SLC24A3: variants seen among roughly 807,000 people sequenced by gnomAD.
The protein encoded by SLC24A3 is sodium/potassium/calcium exchanger 3.
SLC24A3 carries 28 observed loss-of-function variants against 75.8 expected under a neutral mutation model. The observed-to-expected ratio is 0.37, with a 90% CI of 0.27 to 0.51. The LOEUF is 0.51. Among genes scored for constraint, SLC24A3 ranks in the 20% least tolerant of loss-of-function variants. The pLI, the probability that SLC24A3 is intolerant of heterozygous loss-of-function variation, is 0.94. For missense variants in SLC24A3, 663 were observed against 847.8 expected, an observed-to-expected ratio of 0.78 and a Z score of 2.71; for synonymous variants, 372 against 334.1, an observed-to-expected ratio of 1.11 and a Z score of -1.24.
intron 7 of SLC24A3, among the ~76,000 whole-genome samples, chr20:19,663,472 CCTCCGCCTTCT>C (rs2032361867): frequency 7.0e-6 from 1 of 143,712 alleles, no homozygotes; most frequent in African/African-American, 2.7e-5. Flanking sequence ...TCCTCCTCCT[CCTCCGCCTTCT>C]CATCCTCCTC....
chr20:19,515,007 C>CCTA (rs2029955955), intron 2 of SLC24A3, among the ~76,000 whole-genome samples: 1 of 152,170 alleles, frequency 6.6e-6, no homozygotes, highest in Non-Finnish European at 1.5e-5. Context: ...TTTTGGTGAT[C>CCTA]CAGTGAAGCC....
At chr20:19,470,421 C>G (rs1987850050) in intron 2 of SLC24A3, among the ~76,000 whole-genome samples, 1 of 152,174 alleles carries the variant, frequency 6.6e-6, no homozygotes. Context: ...CCAGGCTGCA[C>G]TGCCCAAGAA....
chr20:19,671,981 T>C (rs900045711), intron 8 of SLC24A3, among the ~76,000 whole-genome samples: 1 of 152,010 alleles, frequency 6.6e-6, no homozygotes, highest in Non-Finnish European at 1.5e-5. Flanking sequence ...CTCTCGGCAG[T>C]CAGAAGAGAG....
At chr20:19,233,573 T>C (rs1374361652) in intron 1 of SLC24A3, among the ~76,000 whole-genome samples, 1 of 152,278 alleles carries the variant, frequency 6.6e-6, no homozygotes, top group Non-Finnish European at 1.5e-5. Flanking sequence ...TTCTGATTAA[T>C]GTTCTGAGTG....
chr20:19,681,759 C>A, intron 9 of SLC24A3, 99 bp from the exon 10 acceptor site: 1 of 1,580,508 alleles, frequency 6.3e-7, no homozygotes, highest in Non-Finnish European at 8.6e-7. Context: ...GGTGACTGTG[C>A]ATGCAGACTG....
At chr20:19,619,343 G>A (rs370912323) in intron 6 of SLC24A3, among the ~76,000 whole-genome samples, 8 of 152,180 alleles carry the variant, frequency 5.3e-5, no homozygotes, top group African/African-American at 1.9e-4. Flanking sequence ...CATACATGGA[G>A]AGAGATGCTC....
intron 3 of SLC24A3, among the ~76,000 whole-genome samples, chr20:19,564,694 A>C (rs1031338978): frequency 3.9e-5 from 6 of 152,214 alleles, no homozygotes; most frequent in Non-Finnish European, 5.9e-5. Flanking sequence ...CACAATCTAC[A>C]TACTAGCAAC....
At chr20:19,720,053 C>CTAAGA (rs1555809363) in intron 16 of SLC24A3, among the ~76,000 whole-genome samples, 1 of 62,868 alleles carries the variant, frequency 1.6e-5, no homozygotes, top group East Asian at 2.1e-3. Context: ...ATGAGTGACA[C>CTAAGA]TAAGATAAGA....
chr20:19,307,353 G>C (rs1350216897), intron 2 of SLC24A3, among the ~76,000 whole-genome samples: 1 of 152,098 alleles, frequency 6.6e-6, no homozygotes, highest in African/African-American at 2.4e-5. Flanking sequence ...GATCTTTAAG[G>C]CTCCTACTAG....
intron 2 of SLC24A3, among the ~76,000 whole-genome samples, chr20:19,419,242 A>G (rs1986874737): frequency 1.3e-5 from 2 of 152,226 alleles, no homozygotes; most frequent in Non-Finnish European, 2.9e-5. Context: ...GATTATTGCT[A>G]ACACCAAAAG....
chr20:19,321,089 GTA>G (rs149325651), intron 2 of SLC24A3, among the ~76,000 whole-genome samples: 11,215 of 151,758 alleles, frequency 0.074, 1,331 homozygotes, highest in African/African-American at 0.26. Context: ...CTGTGTGTGT[GTA>G]TATATATATG....
At chr20:19,457,149 G>A (rs1336538913) in intron 2 of SLC24A3, among the ~76,000 whole-genome samples, 3 of 151,908 alleles carry the variant, frequency 2.0e-5, no homozygotes, top group Admixed American at 6.5e-5. Context: ...GGGATGTAAA[G>A]GGAAACCCTA....
chr20:19,217,911 C>T (rs1270673276), intron 1 of SLC24A3, among the ~76,000 whole-genome samples: 1 of 152,094 alleles, frequency 6.6e-6, no homozygotes, highest in Non-Finnish European at 1.5e-5. Flanking sequence ...CTGAATACAC[C>T]ATATGTTCCC....
intron 1 of SLC24A3, among the ~76,000 whole-genome samples, chr20:19,248,493 A>T (rs1458961654): frequency 3.3e-5 from 5 of 152,218 alleles, no homozygotes; most frequent in African/African-American, 1.2e-4. Context: ...AGTACATTTA[A>T]CAGAACATTT....
intron 6 of SLC24A3, among the ~76,000 whole-genome samples, chr20:19,627,998 C>A (rs1352031927): frequency 6.6e-6 from 1 of 151,566 alleles, no homozygotes; most frequent in African/African-American, 2.4e-5. Context: ...GAGATTGAGA[C>A]CCTCTTGGCC....
chr20:19,243,613 T>C (rs1213916849), intron 1 of SLC24A3, among the ~76,000 whole-genome samples: 1 of 152,214 alleles, frequency 6.6e-6, no homozygotes, highest in Non-Finnish European at 1.5e-5. Flanking sequence ...CTTCTTCTGG[T>C]GTAATGTGGA....
rs573336916 is a variant in SLC24A3 at position 19,721,387 on chromosome 20, T to G, written c.*247T>G. ...TGAAGACATCCAACATCCACGTGAC[T>G]TTTCCAGCTCCATTTTTGAACAGTG... On this transcript the variant is annotated 3_prime_UTR_variant, in exon 17 of 17. Transcript: ENST00000328041. 53 of 443,934 alleles carry G rather than the reference T, an allele frequency of 1.2e-4. No homozygotes were observed. Among genetic ancestry groups the G allele is most frequent in the African/African-American group, 9.8e-4 (49 of 50,096 alleles). The allele number at this position is 443,934 out of a possible 1,614,324, so 27.5% of individuals were successfully genotyped here.
intron 2 of SLC24A3, among the ~76,000 whole-genome samples, chr20:19,354,582 T>TTCTGTA (rs374414092): frequency 2.4e-3 from 338 of 142,904 alleles, no homozygotes; most frequent in Middle Eastern, 6.9e-3. Flanking sequence ...CATAAAAAAT[T>TTCTGTA]TGTGTATGTG....
chr20:19,643,981 C>T (rs1351919887), intron 6 of SLC24A3, among the ~76,000 whole-genome samples: 3 of 152,080 alleles, frequency 2.0e-5, no homozygotes, highest in South Asian at 2.1e-4. Flanking sequence ...TTCTTTATAC[C>T]GTGGAAGGAA....
Sources: allele counts gnomAD v4.1 joint callset (sites outside exome capture counted in the v4.1 genomes callset), GRCh38; gene constraint gnomAD v4.1.1; transcripts MANE v1.5; gene names NCBI Gene and HGNC (gene_info 2026-07-23, HGNC 2026-07-21).